Variants in PTPRD observed in about 807,000 individuals in gnomAD.
PTPRD encodes receptor-type tyrosine-protein phosphatase delta.
PTPRD carries 34 observed loss-of-function variants against 214.5 expected under a neutral mutation model. The observed-to-expected ratio is 0.16, with a 90% CI of 0.12 to 0.21. The LOEUF (loss-of-function observed/expected upper bound fraction) is 0.21, where lower values mean the gene tolerates loss of function less well. Among genes scored for constraint, PTPRD ranks in the 10% least tolerant of loss-of-function variants. The pLI, the probability that PTPRD is intolerant of heterozygous loss-of-function variation, is 1.00. For synonymous variants in PTPRD, 1,128 were observed against 845.7 expected, an observed-to-expected ratio of 1.33 and a Z score of -5.79; for missense variants, 2,545 against 2,398.7, an observed-to-expected ratio of 1.06 and a Z score of -1.27.
chr9:8,775,565 A>G (rs186380614), intron 11 of PTPRD, among the ~76,000 whole-genome samples: 48 of 117,096 alleles, frequency 4.1e-4, no homozygotes, highest in Non-Finnish European at 6.1e-4. Context: ...ACTTTCTATT[A>G]TCTCAAATAT....
chr9:9,447,504 GA>G (rs2090842148), intron 8 of PTPRD, among the ~76,000 whole-genome samples: 1 of 152,056 alleles, frequency 6.6e-6, no homozygotes, highest in Non-Finnish European at 1.5e-5. Flanking sequence ...CAGACACTGG[GA>G]CCTATTGGAG....
Position 10,188,227 on chromosome 9 carries a change from C to T in PTPRD, c.-545+152736G>A, listed in dbSNP as rs116871171. 7.6e-3 allele frequency among the ~76,000 whole-genome samples: 1,151 copies of T among 152,128 alleles called. 7 individuals are homozygous for T. The highest frequency in any genetic ancestry group is 0.014 in the Middle Eastern group (4 of 292). ...TTTTATGGATATGCATTCAGTAAGT[C>T]AAATATCCTAGATGACACTGTAATT... is the stretch of plus-strand genomic sequence containing the variant. On this transcript the variant is annotated intron_variant, in intron 3 of 45. Transcript: ENST00000381196.
intron 8 of PTPRD, among the ~76,000 whole-genome samples, chr9:9,483,835 G>T (rs571791893): frequency 6.5e-5 from 9 of 137,806 alleles, no homozygotes; most frequent in African/African-American, 2.2e-4. Flanking sequence ...TTCGTTCTCT[G>T]TTTGGACCTG....
chr9:8,826,573 C>T (rs901839413), intron 11 of PTPRD, among the ~76,000 whole-genome samples: 3 of 152,072 alleles, frequency 2.0e-5, no homozygotes, highest in Admixed American at 1.3e-4. Context: ...GATTCCTTCT[C>T]ATCCTTCAGG....
intron 35 of PTPRD, among the ~76,000 whole-genome samples, chr9:8,408,734 G>A (rs2093265383): frequency 1.3e-5 from 2 of 152,112 alleles, no homozygotes; most frequent in Non-Finnish European, 1.5e-5. Flanking sequence ...ATTTTACATT[G>A]CTTCCCTGCC....
chr9:10,423,820 C>G (rs1020465404), intron 2 of PTPRD, among the ~76,000 whole-genome samples: 12 of 151,886 alleles, frequency 7.9e-5, no homozygotes, highest in Non-Finnish European at 1.3e-4. Context: ...ATGGTGATTT[C>G]CACTGCATGT....
intron 3 of PTPRD, among the ~76,000 whole-genome samples, chr9:10,306,620 G>C (rs2096077565): frequency 6.6e-6 from 1 of 152,064 alleles, no homozygotes; most frequent in South Asian, 2.1e-4. Context: ...ATAAAAGTTA[G>C]TAATAATTAA....
At chr9:10,488,228 G>A (rs897366493) in intron 2 of PTPRD, among the ~76,000 whole-genome samples, 7 of 151,844 alleles carry the variant, frequency 4.6e-5, no homozygotes, top group African/African-American at 4.8e-5. Flanking sequence ...TTAGCTGGGC[G>A]CGGTGGCGGG....
chr9:9,438,927 T>A lies in PTPRD; in HGVS notation c.-236-41445A>T, dbSNP rs1278158454. The stretch of plus-strand genomic sequence containing the variant: ...AAATGGGAACGCTCTAGGACAGCAT[T>A]TAAATTCAACTTTATCATTATCAGT... On this transcript the variant is annotated intron_variant, in intron 8 of 45. Transcript: ENST00000381196. 3.9e-5 allele frequency among the ~76,000 whole-genome samples: 6 copies of A among 152,262 alleles called. No homozygotes were observed. In the East Asian group the frequency reaches 1.2e-3, roughly 29 times the overall value.
intron 8 of PTPRD, among the ~76,000 whole-genome samples, chr9:9,473,320 A>G (rs1273179851): frequency 1.3e-5 from 2 of 152,098 alleles, no homozygotes; most frequent in Non-Finnish European, 2.9e-5. Context: ...ATTCTTTTTT[A>G]TGTCTAAATG....
At chr9:9,250,720 G>T (rs2099975127) in intron 9 of PTPRD, among the ~76,000 whole-genome samples, 1 of 151,948 alleles carries the variant, frequency 6.6e-6, no homozygotes, top group Non-Finnish European at 1.5e-5. Context: ...TGGGGAAATG[G>T]CAACCTATGA....
chr9:9,746,486 T>A (rs371532832), intron 6 of PTPRD, among the ~76,000 whole-genome samples: 3 of 152,206 alleles, frequency 2.0e-5, no homozygotes, highest in Non-Finnish European at 4.4e-5. Context: ...CCACATGGCA[T>A]CTGAACTTCT....
chr9:9,721,760 C>T (rs2097952971), intron 7 of PTPRD, among the ~76,000 whole-genome samples: 2 of 152,050 alleles, frequency 1.3e-5, no homozygotes, highest in Admixed American at 1.3e-4. Context: ...GTTTGTCATT[C>T]AGGTCATTTC....
At chr9:8,756,709 A>G (rs1196328572) in intron 11 of PTPRD, among the ~76,000 whole-genome samples, 1 of 152,204 alleles carries the variant, frequency 6.6e-6, no homozygotes, top group Non-Finnish European at 1.5e-5. Context: ...AAATCCCCAA[A>G]ATAATAACCT....
At chr9:8,688,378 A>G (rs1166158385) in intron 12 of PTPRD, among the ~76,000 whole-genome samples, 1 of 152,026 alleles carries the variant, frequency 6.6e-6, no homozygotes, top group Non-Finnish European at 1.5e-5. Context: ...TATCCTAGCT[A>G]ACATGGTGAA....
chr9:8,713,375 G>A (rs1469261001), intron 12 of PTPRD: 1 of 1,063,500 alleles, frequency 9.4e-7, no homozygotes, highest in Non-Finnish European at 1.4e-6. Context: ...ACTCCCAAAT[G>A]CCACACACCG....
chr9:9,062,965 T>C (rs1382788287), intron 10 of PTPRD, among the ~76,000 whole-genome samples: 3 of 152,180 alleles, frequency 2.0e-5, no homozygotes. Flanking sequence ...AAAGGTACCA[T>C]GTATGAGAAA....
chr9:8,697,417 C>CTTTTTTTTTTTTTTTTTTTTTTTTGTTT (rs752677458), intron 12 of PTPRD, among the ~76,000 whole-genome samples: 1 of 63,242 alleles, frequency 1.6e-5, no homozygotes, highest in Non-Finnish European at 3.0e-5. Context: ...TTTTTATGTA[C>CTTTTTTTTTTTTTTTTTTTTTTTTGTTT]TTTTTTTTTT....
At chr9:10,411,152 T>C (rs978393147) in intron 2 of PTPRD, among the ~76,000 whole-genome samples, 3 of 151,782 alleles carry the variant, frequency 2.0e-5, no homozygotes, top group Non-Finnish European at 4.4e-5. Context: ...ACAAAGAATT[T>C]GAATGATGTA....
Sources: allele counts gnomAD v4.1 joint callset (sites outside exome capture counted in the v4.1 genomes callset), GRCh38; gene constraint gnomAD v4.1.1; transcripts MANE v1.5; gene names NCBI Gene and HGNC (gene_info 2026-07-23, HGNC 2026-07-21).